SNX30: variants seen among roughly 807,000 people sequenced by gnomAD.
SNX30 encodes sorting nexin family member 30, also known as sorting nexin-30.
A neutral mutation model predicts 46.4 loss-of-function variants in SNX30; 24 were observed. The observed-to-expected ratio is 0.52, with a 90% CI of 0.37 to 0.73. The LOEUF (loss-of-function observed/expected upper bound fraction) is 0.73, where lower values mean the gene tolerates loss of function less well. Ranked by LOEUF, SNX30 falls within the 30% of genes least tolerant of loss-of-function variation. The pLI, the probability that SNX30 is intolerant of heterozygous loss-of-function variation, is 0.00. For missense variants in SNX30, 533 were observed against 555.7 expected (o/e 0.96, Z 0.41); for synonymous variants, 189 against 211.5 (o/e 0.89, Z 0.92).
chr9:112,770,934 T>C (rs1839638417), intron 1 of SNX30, among the ~76,000 whole-genome samples: 1 of 152,160 alleles, frequency 6.6e-6, no homozygotes, highest in African/African-American at 2.4e-5. Context: ...AGGCAGAAGT[T>C]GCAGTGAGCC....
intron 7 of SNX30, among the ~76,000 whole-genome samples, chr9:112,856,125 T>C (rs1285088241): frequency 1.3e-5 from 2 of 152,114 alleles, no homozygotes; most frequent in Non-Finnish European, 2.9e-5. Context: ...GGGAGAAGGC[T>C]TCACAGAATT....
At chr9:112,859,027 G>A (rs1036446652) in intron 7 of SNX30, among the ~76,000 whole-genome samples, 2 of 152,030 alleles carry the variant, frequency 1.3e-5, no homozygotes, top group Admixed American at 6.6e-5. Flanking sequence ...TTGTGCAATC[G>A]ATATCTGGAA....
intron 7 of SNX30, among the ~76,000 whole-genome samples, chr9:112,855,597 G>A (rs1841111220): frequency 6.6e-6 from 1 of 152,174 alleles, no homozygotes; most frequent in Admixed American, 6.5e-5. Context: ...GGAGTCCTAG[G>A]ACGTCTTGTG....
At chr9:112,791,176 G>A (rs4979149) in intron 1 of SNX30, among the ~76,000 whole-genome samples, 1 of 151,880 alleles carries the variant, frequency 6.6e-6, no homozygotes, top group African/African-American at 2.4e-5. Flanking sequence ...ACCCCAAAAA[G>A]AAATTTGGTC....
upstream of SNX30, chr9:112,750,754 G>A (rs919945840): frequency 1.3e-5 from 2 of 152,546 alleles, no homozygotes. Context: ...GTGTGGGCTG[G>A]GCGCCGCGGC....
At chr9:112,797,711 C>CTTTTTTTTTTTTTTTTTTTTT (rs71384277) in intron 1 of SNX30, among the ~76,000 whole-genome samples, 3 of 121,356 alleles carry the variant, frequency 2.5e-5, no homozygotes, top group Non-Finnish European at 1.6e-5. Context: ...TTTTCTTTTT[C>CTTTTTTTTTTTTTTTTTTTTT]TTTTTTTTTT....
At chr9:112,804,723 A>C in intron 1 of SNX30, 53 bp from the exon 2 acceptor site, 3 of 1,374,740 alleles carry the variant, frequency 2.2e-6, no homozygotes, top group Non-Finnish European at 2.8e-6. Context: ...GCTTTTGCTG[A>C]TACTCTCCAG....
At chr9:112,838,408 A>T in intron 5 of SNX30, 90 bp from the exon 6 acceptor site, 1 of 1,054,118 alleles carries the variant, frequency 9.5e-7, no homozygotes, top group Non-Finnish European at 1.4e-6. Flanking sequence ...ATGTTCATGT[A>T]GAGAGCTCTT....
downstream of SNX30, among the ~76,000 whole-genome samples, chr9:112,883,704 T>C (rs1355839067): frequency 6.7e-6 from 1 of 149,240 alleles, no homozygotes; most frequent in Admixed American, 6.6e-5. Flanking sequence ...TCTTTTCTTT[T>C]TTTTTTTTTT....
downstream of SNX30, chr9:112,879,483 G>C (rs2236600): frequency 0.16 from 60,498 of 371,346 alleles, 5,469 homozygotes; most frequent in Non-Finnish European, 0.18. Context: ...TGTGCAGCCT[G>C]CCTGTAACCC....
At chr9:112,787,821 G>T (rs1448448944) in intron 1 of SNX30, among the ~76,000 whole-genome samples, 1 of 151,470 alleles carries the variant, frequency 6.6e-6, no homozygotes, top group Non-Finnish European at 1.5e-5. Flanking sequence ...TTTAAAGATG[G>T]AGTCTCGCTC....
At chr9:112,809,843 G>A (rs576545470) in intron 2 of SNX30, among the ~76,000 whole-genome samples, 6 of 152,008 alleles carry the variant, frequency 3.9e-5, no homozygotes, top group South Asian at 2.1e-4. Context: ...GTCAGAAGTG[G>A]GCATGGGTTT....
Position 112,851,451 on chromosome 9 carries a change from G to T in SNX30, c.1101+506G>T, listed in dbSNP as rs550879829. 1.3e-3 allele frequency among the ~76,000 whole-genome samples: 194 copies of T among 152,356 alleles called. 1 individual carries two copies. The highest frequency in any genetic ancestry group is 4.4e-3 in the African/African-American group (182 of 41,584). On this transcript the variant is annotated intron_variant, in intron 7 of 8. Coordinates refer to ENST00000374232, the MANE Select transcript of SNX30 (RefSeq NM_001012994.2). ...GTGGAGCAAGCTGCGTGCTGGTTCT[G>T]CACGGCAGGACTACAGCTTGGTCGA...
chr9:112,795,133 T>G (rs548468480), intron 1 of SNX30, among the ~76,000 whole-genome samples: 1 of 152,192 alleles, frequency 6.6e-6, no homozygotes, highest in African/African-American at 2.4e-5. Flanking sequence ...CCTCATAGTT[T>G]ATAAGAGGAT....
chr9:112,830,247 T>C (rs1353592915), intron 3 of SNX30, among the ~76,000 whole-genome samples: 10 of 152,176 alleles, frequency 6.6e-5, no homozygotes, highest in Admixed American at 1.3e-4. Context: ...TTTTTTTAGA[T>C]ACATGAATTT....
rs796140331 is a variant in SNX30 at position 112,805,084 on chromosome 9, C to G, written c.348+117C>G. On this transcript the variant is annotated intron_variant, in intron 2 of 8. Coordinates refer to ENST00000374232, the MANE Select transcript of SNX30 (RefSeq NM_001012994.2). ...TGTACAACTCTGTTCACCTTGATTG[C>G]AATTGTGAGTGTGGCTTCTTGAGAG... The G allele has an allele frequency of 2.1e-5, 13 of 607,444 alleles. No homozygotes were observed. In the African/African-American group the frequency reaches 2.4e-4, roughly 11 times the overall value. The allele number at this position is 607,444 out of a possible 1,614,324, so 37.6% of individuals were successfully genotyped here.
intron 8 of SNX30, among the ~76,000 whole-genome samples, chr9:112,865,653 A>ATGTGTGTG (rs1219477432): frequency 9.1e-6 from 1 of 110,448 alleles, no homozygotes; most frequent in African/African-American, 3.8e-5. Flanking sequence ...ATATATATAT[A>ATGTGTGTG]TATATATATG....
chr9:112,792,473 G>T (rs1396827679), intron 1 of SNX30, among the ~76,000 whole-genome samples: 2 of 152,124 alleles, frequency 1.3e-5, no homozygotes, highest in Non-Finnish European at 2.9e-5. Context: ...CGCCCAGCCT[G>T]GAGTACAATG....
intron 1 of SNX30, among the ~76,000 whole-genome samples, chr9:112,755,303 G>A (rs1308333608): frequency 6.6e-6 from 1 of 152,206 alleles, no homozygotes; most frequent in African/African-American, 2.4e-5. Context: ...GTCCGGGGAG[G>A]GACTGCCTGA....
Sources: gnomAD v4.1 joint callset for allele counts (sites outside exome capture counted in the v4.1 genomes callset) on GRCh38, gnomAD v4.1.1 for gene constraint, MANE v1.5 for transcripts, NCBI Gene and HGNC (gene_info 2026-07-23, HGNC 2026-07-21) for gene names.